ARMH1: variants seen among roughly 807,000 people sequenced by gnomAD.
The protein encoded by ARMH1 is armadillo-like helical domain containing protein 1.
ARMH1 carries 34 observed loss-of-function variants against 50.2 expected under a neutral mutation model. The observed-to-expected ratio is 0.68, with a 90% CI of 0.51 to 0.90. ARMH1 has a LOEUF of 0.90. Among genes scored for constraint, ARMH1 ranks in the 40% least tolerant of loss-of-function variants. The probability of loss-of-function intolerance (pLI) is 0.00; values close to 1 mark genes in which losing one functional copy is unlikely to be tolerated. For synonymous variants in ARMH1, 221 were observed against 224.2 expected, an observed-to-expected ratio of 0.99 and a Z score of 0.13; for missense variants, 538 against 553.9, an observed-to-expected ratio of 0.97 and a Z score of 0.29.
At chr1:44,705,472 G>A (rs1177019574) in intron 6 of ARMH1, among the ~76,000 whole-genome samples, 2 of 151,658 alleles carry the variant, frequency 1.3e-5, no homozygotes, top group Non-Finnish European at 2.9e-5. Context: ...CAGCCTGGGT[G>A]ACAGAGCAAG....
chr1:44,722,343 C>G (rs908673270), intron 6 of ARMH1, among the ~76,000 whole-genome samples: 7 of 152,052 alleles, frequency 4.6e-5, no homozygotes, highest in Admixed American at 4.6e-4. Flanking sequence ...CGCTTGAGCC[C>G]AGGAGTTCAA....
intron 5 of ARMH1, 105 bp from the exon 6 acceptor site, chr1:44,703,984 C>T (rs1402490924): frequency 1.2e-6 from 1 of 853,186 alleles, no homozygotes; most frequent in Non-Finnish European, 1.9e-6. Context: ...CCTCGGCCTC[C>T]TAAAGTGCTG....
At chr1:44,690,786 C>T (rs1645634896) in intron 2 of ARMH1, among the ~76,000 whole-genome samples, 1 of 152,090 alleles carries the variant, frequency 6.6e-6, no homozygotes, top group African/African-American at 2.4e-5. Flanking sequence ...TCAAGTGATT[C>T]TCCTGCCTCA....
chr1:44,724,742 G>A lies in ARMH1; in HGVS notation c.1051-20G>A. ...GCCCCGTCGCCCCCGCAGTCACGCCGCCTCGCCCGCGCGGCGCAGTGCTTC... is the reference window on the plus strand; with the variant it reads ...GCCCCGTCGCCCCCGCAGTCACGCCACCTCGCCCGCGCGGCGCAGTGCTTC... On this transcript the variant is annotated intron_variant, in intron 9 of 11. Transcript: ENST00000535358. This position sits in a 1 kb window ranked among gnomAD's most constrained non-coding sequence, Gnocchi z 6.4. The A allele has an allele frequency of 1.3e-6, 2 of 1,521,436 alleles. No homozygotes were observed. Among genetic ancestry groups the A allele is most frequent in the Non-Finnish European group, 8.8e-7 (1 of 1,138,816 alleles). 94.2% of individuals were successfully genotyped at this position (1,521,436 alleles called of 1,614,324 possible).
At chr1:44,700,720 G>A (rs952337000) in intron 4 of ARMH1, among the ~76,000 whole-genome samples, 23 of 151,760 alleles carry the variant, frequency 1.5e-4, no homozygotes, top group African/African-American at 5.3e-4. Context: ...ATTTTGACAT[G>A]CCTATGCTGA....
At chr1:44,723,856 C>T (rs1028943503) in intron 6 of ARMH1, 1 of 408,134 alleles carries the variant, frequency 2.5e-6, no homozygotes, top group African/African-American at 2.1e-5. Context: ...CGAAGGCCCC[C>T]CTCTCTGGGG....
intron 1 of ARMH1, among the ~76,000 whole-genome samples, chr1:44,678,778 G>A (rs1645214974): frequency 6.6e-6 from 1 of 151,808 alleles, no homozygotes; most frequent in African/African-American, 2.4e-5. Flanking sequence ...CTTTCAGAAG[G>A]TGTCTTTTGA....
intron 4 of ARMH1, among the ~76,000 whole-genome samples, chr1:44,699,974 C>T (rs963112038): frequency 5.3e-5 from 8 of 151,946 alleles, no homozygotes; most frequent in African/African-American, 1.2e-4. Flanking sequence ...GGACTACAGG[C>T]GCGTGCCACC....
intron 6 of ARMH1, among the ~76,000 whole-genome samples, chr1:44,710,584 A>G (rs1336695790): frequency 2.0e-4 from 28 of 140,650 alleles, no homozygotes; most frequent in African/African-American, 6.7e-4. Context: ...ACTCCAGCCT[A>G]GGCAACAGAG....
At chr1:44,684,245 A>G (rs1645398273) in intron 1 of ARMH1, 1 of 152,158 alleles carries the variant, frequency 6.6e-6, no homozygotes, top group African/African-American at 2.4e-5. Flanking sequence ...CTTATTAATT[A>G]TTTTTAAAAA....
In ARMH1 at chr1:44,725,463, A is replaced by G; in HGVS notation, c.*60A>G. On this transcript the variant is annotated 3_prime_UTR_variant, in exon 12 of 12. Coordinates refer to ENST00000535358, the MANE Select transcript of ARMH1 (RefSeq NM_001145636.2). ...CGGGGCAGGGAAGCCTGGCAAGAGGAAGGCGCCTGGGGTCAAGCTCAGAGC... is the reference window on the plus strand; with the variant it reads ...CGGGGCAGGGAAGCCTGGCAAGAGGGAGGCGCCTGGGGTCAAGCTCAGAGC... 1.3e-6 allele frequency: 2 copies of G among 1,514,664 alleles called. No homozygotes were observed. Among genetic ancestry groups the G allele is most frequent in the Non-Finnish European group, 1.8e-6 (2 of 1,114,664 alleles). The allele number at this position is 1,514,664 out of a possible 1,614,324, so 93.8% of individuals were successfully genotyped here.
chr1:44,696,030 A>AC (rs1429348351), intron 2 of ARMH1, among the ~76,000 whole-genome samples: 2 of 151,906 alleles, frequency 1.3e-5, no homozygotes, highest in East Asian at 3.9e-4. Flanking sequence ...CTGAAGAAAA[A>AC]GGGGAGAATG....
At chr1:44,712,818 C>T (rs1646676113) in intron 6 of ARMH1, among the ~76,000 whole-genome samples, 1 of 151,620 alleles carries the variant, frequency 6.6e-6, no homozygotes, top group Non-Finnish European at 1.5e-5. Context: ...CATGTGCCAC[C>T]ACGCCCAGCT....
At chr1:44,690,785 T>A (rs1168601057) in intron 2 of ARMH1, among the ~76,000 whole-genome samples, 1 of 152,038 alleles carries the variant, frequency 6.6e-6, no homozygotes. Flanking sequence ...TTCAAGTGAT[T>A]CTCCTGCCTC....
intron 6 of ARMH1, among the ~76,000 whole-genome samples, chr1:44,720,137 C>A (rs1647032588): frequency 7.1e-6 from 1 of 141,438 alleles, no homozygotes; most frequent in African/African-American, 2.7e-5. Context: ...GCAGAGGTTG[C>A]AGTGAGCCAA....
chr1:44,714,598 AAAG>A, intron 6 of ARMH1, among the ~76,000 whole-genome samples: 1 of 152,206 alleles, frequency 6.6e-6, no homozygotes, highest in East Asian at 1.9e-4. Context: ...AAAAAAAAAA[AAAG>A]GTAGCAGGGT....
At chr1:44,722,308 C>G (rs1245999689) in intron 6 of ARMH1, among the ~76,000 whole-genome samples, 2 of 152,082 alleles carry the variant, frequency 1.3e-5, no homozygotes, top group African/African-American at 2.4e-5. Context: ...AATCCCTGCA[C>G]TTAAGGAGGC....
chr1:44,693,730 A>G (rs568437276), intron 2 of ARMH1, among the ~76,000 whole-genome samples: 1 of 152,312 alleles, frequency 6.6e-6, no homozygotes, highest in African/African-American at 2.4e-5. Context: ...TGCTGGGATT[A>G]TAAGTGTGAG....
chr1:44,696,844 C>T (rs1645843706), intron 2 of ARMH1, among the ~76,000 whole-genome samples: 1 of 152,120 alleles, frequency 6.6e-6, no homozygotes, highest in Non-Finnish European at 1.5e-5. Flanking sequence ...TCCTTGTTCC[C>T]TAGAAAGCCT....
Sources: allele counts gnomAD v4.1 joint callset (sites outside exome capture counted in the v4.1 genomes callset), GRCh38; gene constraint gnomAD v4.1.1; non-coding constraint Gnocchi (gnomAD v3.1); transcripts MANE v1.5; gene names NCBI Gene and HGNC (gene_info 2026-07-23, HGNC 2026-07-21).